COL24A1: variants seen among roughly 807,000 people sequenced by gnomAD.
COL24A1 encodes the protein collagen alpha-1(XXIV) chain.
In COL24A1, 224 loss-of-function variants were observed where a neutral mutation model predicts 253.9. The ratio of observed to expected loss-of-function variants is 0.88; its 90% CI spans 0.79 to 0.99. The LOEUF (loss-of-function observed/expected upper bound fraction) is 0.99. COL24A1 is among the 50% of genes least tolerant of loss of function. The pLI, the probability that COL24A1 is intolerant of heterozygous loss-of-function variation, is 0.00. For synonymous variants in COL24A1, 685 were observed against 673.7 expected (o/e 1.02, Z -0.26); for missense variants, 2,131 against 2,068.5 (o/e 1.03, Z -0.59).
chr1:85,838,966 G>A (rs1676310745), intron 42 of COL24A1, among the ~76,000 whole-genome samples: 1 of 152,154 alleles, frequency 6.6e-6, no homozygotes. Flanking sequence ...TTGGGAGGCT[G>A]AGGCAGGAGG....
At chr1:85,909,436 C>A (rs1685160326) in intron 26 of COL24A1, among the ~76,000 whole-genome samples, 2 of 151,742 alleles carry the variant, frequency 1.3e-5, no homozygotes, top group Admixed American at 6.6e-5. Flanking sequence ...AAAGATGTAA[C>A]CCAAATATAA....
intron 14 of COL24A1, among the ~76,000 whole-genome samples, chr1:86,023,438 T>G (rs1311521355): frequency 6.6e-6 from 1 of 152,166 alleles, no homozygotes; most frequent in African/African-American, 2.4e-5. Context: ...AGTTACTATG[T>G]GCCAGACATC....
chr1:85,999,599 A>C (rs1695195652), intron 19 of COL24A1, among the ~76,000 whole-genome samples: 1 of 152,112 alleles, frequency 6.6e-6, no homozygotes, highest in African/African-American at 2.4e-5. Flanking sequence ...CTGGGTGGGC[A>C]ACAGAACAAG....
At chr1:85,900,789 G>A (rs1684207144) in intron 28 of COL24A1, among the ~76,000 whole-genome samples, 2 of 152,072 alleles carry the variant, frequency 1.3e-5, no homozygotes, top group Admixed American at 1.3e-4. Flanking sequence ...TTTTGACAAA[G>A]GTGCCAAGAG....
At chr1:85,963,567 C>T (rs1553243951) in intron 23 of COL24A1, among the ~76,000 whole-genome samples, 2 of 152,032 alleles carry the variant, frequency 1.3e-5, no homozygotes. Context: ...TTCCCCAGGC[C>T]TAGAAAGAAA....
intron 32 of COL24A1, among the ~76,000 whole-genome samples, chr1:85,887,091 A>C (rs1431164698): frequency 6.6e-6 from 1 of 152,202 alleles, no homozygotes; most frequent in Non-Finnish European, 1.5e-5. Context: ...GGTATCTAAG[A>C]AAGAGTAGCT....
chr1:85,866,549 G>A (rs1174468231), intron 37 of COL24A1, among the ~76,000 whole-genome samples: 1 of 152,070 alleles, frequency 6.6e-6, no homozygotes, highest in Non-Finnish European at 1.5e-5. Flanking sequence ...CGAGTCCGGT[G>A]GATCACTTGA....
chr1:85,882,734 T>A (rs1318286622), intron 32 of COL24A1, among the ~76,000 whole-genome samples: 1 of 152,192 alleles, frequency 6.6e-6, no homozygotes. Context: ...AATAGAGTCA[T>A]CTATTTTTCC....
intron 33 of COL24A1, 47 bp from the exon 34 acceptor site, chr1:85,875,377 T>G: frequency 1.4e-6 from 2 of 1,476,324 alleles, no homozygotes; most frequent in Non-Finnish European, 1.9e-6. Context: ...AGCAATCTCA[T>G]GAGAAGATGG....
At chr1:86,031,766 C>A in intron 14 of COL24A1, 112 bp downstream of exon 14, 2 of 753,102 alleles carry the variant, frequency 2.7e-6, no homozygotes, top group Admixed American at 2.9e-5. Flanking sequence ...GGTTGATAAC[C>A]AACAATGACA....
At chr1:86,118,066 CT>C (rs35013223) in intron 3 of COL24A1, among the ~76,000 whole-genome samples, 3 of 146,890 alleles carry the variant, frequency 2.0e-5, no homozygotes, top group Admixed American at 6.8e-5. Context: ...GTCTAATTAA[CT>C]TTTTTTTTTT....
At chr1:85,745,368 C>T in intron 56 of COL24A1, 73 bp downstream of exon 56, 4 of 977,840 alleles carry the variant, frequency 4.1e-6, no homozygotes, top group Middle Eastern at 2.4e-4. Context: ...CACATTTTGG[C>T]CTCCAAAAAT....
intron 7 of COL24A1, among the ~76,000 whole-genome samples, chr1:86,080,847 G>T (rs927479343): frequency 6.6e-6 from 1 of 151,922 alleles, no homozygotes; most frequent in African/African-American, 2.4e-5. Flanking sequence ...TAATCATAAG[G>T]AAAACAGTAG....
At chr1:85,976,514 G>A (rs1033351517) in intron 20 of COL24A1, among the ~76,000 whole-genome samples, 8 of 152,178 alleles carry the variant, frequency 5.3e-5, no homozygotes, top group South Asian at 4.1e-4. Context: ...TCAGACTGGC[G>A]TAACCCTGCT....
At chr1:86,070,727 T>C (rs565850308) in intron 7 of COL24A1, among the ~76,000 whole-genome samples, 6 of 152,248 alleles carry the variant, frequency 3.9e-5, no homozygotes, top group Non-Finnish European at 5.9e-5. Flanking sequence ...TAGAATGGTA[T>C]ATCCAGCAAA....
chr1:85,850,270 G>A (rs191074637), intron 37 of COL24A1, among the ~76,000 whole-genome samples: 34 of 152,188 alleles, frequency 2.2e-4, no homozygotes, highest in African/African-American at 7.7e-4. Flanking sequence ...CCCTGCATTC[G>A]CTGGAAATGA....
chr1:85,799,696 C>T (rs192969861), intron 47 of COL24A1, among the ~76,000 whole-genome samples: 69 of 152,224 alleles, frequency 4.5e-4, no homozygotes, highest in Admixed American at 3.9e-3. Flanking sequence ...ATACCAACTG[C>T]ATGTGCAAAC....
intron 32 of COL24A1, among the ~76,000 whole-genome samples, chr1:85,882,694 T>C (rs555897549): frequency 5.4e-4 from 83 of 152,312 alleles, no homozygotes; most frequent in African/African-American, 1.9e-3. Context: ...CAATTACTGA[T>C]AGAGGGGTGT....
chr1:86,151,503 G>A (rs1374751865), intron 1 of COL24A1, among the ~76,000 whole-genome samples: 1 of 152,128 alleles, frequency 6.6e-6, no homozygotes, highest in Non-Finnish European at 1.5e-5. Flanking sequence ...CACTCTGCAT[G>A]AGTCTGGCTG....
Sources: gnomAD v4.1 joint callset for allele counts (sites outside exome capture counted in the v4.1 genomes callset) on GRCh38, gnomAD v4.1.1 for gene constraint, MANE v1.5 for transcripts, NCBI Gene and HGNC (gene_info 2026-07-23, HGNC 2026-07-21) for gene names.